DYNC1I1: variants seen among roughly 807,000 people sequenced by gnomAD.
DYNC1I1 encodes the protein dynein cytoplasmic 1 intermediate chain 1.
A neutral mutation model predicts 86.6 loss-of-function variants in DYNC1I1; 43 were observed. That is an observed-to-expected ratio of 0.50 (90% CI 0.39 to 0.64). The LOEUF (loss-of-function observed/expected upper bound fraction) is 0.64, where lower values mean the gene tolerates loss of function less well. Among genes scored for constraint, DYNC1I1 ranks in the 30% least tolerant of loss-of-function variants. The probability of loss-of-function intolerance (pLI) is 0.00; values close to 1 mark genes in which losing one functional copy is unlikely to be tolerated. For missense variants in DYNC1I1, 604 were observed against 788.8 expected, an observed-to-expected ratio of 0.77 and a Z score of 2.81; for synonymous variants, 262 against 283.7, an observed-to-expected ratio of 0.92 and a Z score of 0.77.
At chr7:95,918,382 C>A (rs1196971220) in intron 6 of DYNC1I1, among the ~76,000 whole-genome samples, 1 of 152,134 alleles carries the variant, frequency 6.6e-6, no homozygotes, top group Non-Finnish European at 1.5e-5. Context: ...TCCTTTCAGC[C>A]ATTTCCTTTC....
At chr7:95,933,920 T>C (rs1472137958) in intron 6 of DYNC1I1, among the ~76,000 whole-genome samples, 1 of 152,104 alleles carries the variant, frequency 6.6e-6, no homozygotes. Flanking sequence ...TATTATTAAT[T>C]CATAAATTCA....
chr7:95,882,557 T>A (rs1294504538), intron 6 of DYNC1I1, among the ~76,000 whole-genome samples: 1 of 152,210 alleles, frequency 6.6e-6, no homozygotes, highest in African/African-American at 2.4e-5. Context: ...AAGTAGTGAT[T>A]TGGGCTGCTA....
chr7:95,905,683 C>T (rs1017857977), intron 6 of DYNC1I1, among the ~76,000 whole-genome samples: 6 of 151,406 alleles, frequency 4.0e-5, no homozygotes, highest in African/African-American at 7.3e-5. Context: ...CTTCTACTAA[C>T]GCCCCATTGT....
intron 5 of DYNC1I1, among the ~76,000 whole-genome samples, chr7:95,842,319 G>T (rs376143276): frequency 5.3e-5 from 8 of 152,150 alleles, no homozygotes; most frequent in African/African-American, 1.9e-4. Context: ...TTTAGGAAGG[G>T]GAGGGGTCTA....
intron 5 of DYNC1I1, among the ~76,000 whole-genome samples, chr7:95,852,845 T>C (rs1359838427): frequency 6.6e-6 from 1 of 152,194 alleles, no homozygotes; most frequent in Non-Finnish European, 1.5e-5. Context: ...ACTTTGAGCT[T>C]CATTTGTTCT....
At chr7:96,024,397 T>G (rs1794627512) in intron 10 of DYNC1I1, among the ~76,000 whole-genome samples, 1 of 152,174 alleles carries the variant, frequency 6.6e-6, no homozygotes, top group African/African-American at 2.4e-5. Context: ...GCGCCCAGCT[T>G]GATTTGAATT....
chr7:95,973,590 T>A (rs1793230193), intron 6 of DYNC1I1, among the ~76,000 whole-genome samples: 1 of 152,190 alleles, frequency 6.6e-6, no homozygotes, highest in South Asian at 2.1e-4. Context: ...ATTCAAGGAA[T>A]TAGATAACCT....
chr7:95,890,656 G>C (rs1052271886), intron 6 of DYNC1I1, among the ~76,000 whole-genome samples: 1 of 152,114 alleles, frequency 6.6e-6, no homozygotes, highest in Non-Finnish European at 1.5e-5. Flanking sequence ...ATTGCCATTT[G>C]GTTAATTTCA....
At chr7:95,892,511 C>T (rs1303099227) in intron 6 of DYNC1I1, among the ~76,000 whole-genome samples, 5 of 152,196 alleles carry the variant, frequency 3.3e-5, no homozygotes, top group Admixed American at 6.5e-5. Context: ...TGGGGTTTCA[C>T]TGTGTAAGCC....
At chr7:95,822,366 A>C (rs1795094003) in intron 4 of DYNC1I1, among the ~76,000 whole-genome samples, 1 of 152,208 alleles carries the variant, frequency 6.6e-6, no homozygotes, top group Non-Finnish European at 1.5e-5. Flanking sequence ...TCTTTTTTAA[A>C]AATATTGAAA....
intron 14 of DYNC1I1, among the ~76,000 whole-genome samples, chr7:96,047,120 T>TGGAA (rs1789239513): frequency 6.6e-6 from 1 of 152,158 alleles, no homozygotes; most frequent in South Asian, 2.1e-4. Context: ...CATCCTCACA[T>TGGAA]GGAAGAAGGG....
chr7:95,959,991 C>A (rs895190495), intron 6 of DYNC1I1, among the ~76,000 whole-genome samples: 6 of 152,144 alleles, frequency 3.9e-5, no homozygotes, highest in African/African-American at 1.4e-4. Context: ...CCTAAGCGGA[C>A]TTGTGCAGTG....
chr7:95,797,215 G>T (rs1006896681), intron 1 of DYNC1I1, among the ~76,000 whole-genome samples: 2 of 151,834 alleles, frequency 1.3e-5, no homozygotes, highest in East Asian at 3.9e-4. Flanking sequence ...CTAAACTAGC[G>T]GCCTTAAAAA....
chr7:95,893,833 GA>G (rs1161568626), intron 6 of DYNC1I1, among the ~76,000 whole-genome samples: 1 of 152,176 alleles, frequency 6.6e-6, no homozygotes, highest in Non-Finnish European at 1.5e-5. Flanking sequence ...GAAAGAACAG[GA>G]AACAAAAATA....
intron 6 of DYNC1I1, among the ~76,000 whole-genome samples, chr7:95,903,315 AC>A (rs1791088279): frequency 6.6e-6 from 1 of 152,134 alleles, no homozygotes; most frequent in Non-Finnish European, 1.5e-5. Context: ...GTGCCATTTT[AC>A]CCAAATGCTT....
intron 14 of DYNC1I1, among the ~76,000 whole-genome samples, chr7:96,063,305 A>C (rs935013868): frequency 6.6e-6 from 1 of 152,114 alleles, no homozygotes; most frequent in Non-Finnish European, 1.5e-5. Context: ...GGGGAATTAC[A>C]TAAGTGCAGA....
rs189450124 is a variant in DYNC1I1 at position 96,008,138 on chromosome 7, C to T, written c.969+12065C>T. ...ACATATGTTTAATTTGAGTAACTCT[C>T]CTCCTTTAAAATACCTCTTGATTCT... On this transcript the variant is annotated intron_variant, in intron 10 of 16. Transcript: ENST00000447467. 2.9e-3 allele frequency among the ~76,000 whole-genome samples: 442 copies of T among 152,338 alleles called. 4 individuals are homozygous for T. The highest frequency in any genetic ancestry group is 9.2e-3 in the African/African-American group (384 of 41,574).
chr7:95,951,119 ACCAGTT>A (rs1792541332), intron 6 of DYNC1I1, among the ~76,000 whole-genome samples: 1 of 152,364 alleles, frequency 6.6e-6, no homozygotes, highest in Admixed American at 6.5e-5. Context: ...AGCAGACAGC[ACCAGTT>A]CCAGAAGTTG....
chr7:95,917,266 G>A (rs1276520057), intron 6 of DYNC1I1, among the ~76,000 whole-genome samples: 1 of 152,158 alleles, frequency 6.6e-6, no homozygotes, highest in South Asian at 2.1e-4. Context: ...GCGGGTGGGA[G>A]GGGCATGATT....
Sources: gnomAD v4.1 joint callset for allele counts (sites outside exome capture counted in the v4.1 genomes callset) on GRCh38, gnomAD v4.1.1 for gene constraint, MANE v1.5 for transcripts, NCBI Gene and HGNC (gene_info 2026-07-23, HGNC 2026-07-21) for gene names.